The following PTPRD variants were observed in gnomAD, a reference collection of about 807,000 sequenced individuals.
The protein encoded by PTPRD is protein tyrosine phosphatase receptor type D.
A neutral mutation model predicts 214.5 loss-of-function variants in PTPRD; 34 were observed. That is an observed-to-expected ratio of 0.16 (90% CI 0.12 to 0.21). The LOEUF is 0.21. PTPRD is among the 10% of genes least tolerant of loss of function. The pLI is 1.00. For missense variants in PTPRD, 2,545 were observed against 2,398.7 expected, an observed-to-expected ratio of 1.06 and a Z score of -1.27; for synonymous variants, 1,128 against 845.7, an observed-to-expected ratio of 1.33 and a Z score of -5.79.
intron 4 of PTPRD, among the ~76,000 whole-genome samples, chr9:10,012,200 A>T (rs1588879401): frequency 6.6e-6 from 1 of 151,982 alleles, no homozygotes; most frequent in South Asian, 2.1e-4. Flanking sequence ...GAATTGTAAA[A>T]AAGTACCTCA....
intron 4 of PTPRD, among the ~76,000 whole-genome samples, chr9:9,943,601 G>T (rs532778327): frequency 6.6e-6 from 1 of 151,920 alleles, no homozygotes; most frequent in Non-Finnish European, 1.5e-5. Flanking sequence ...GAAGATATTA[G>T]AAGCTGTGGG....
At chr9:10,121,251 T>G (rs1008142771) in intron 3 of PTPRD, among the ~76,000 whole-genome samples, 57 of 152,178 alleles carry the variant, frequency 3.7e-4, no homozygotes, top group Non-Finnish European at 1.0e-4. Context: ...TCTTTAGCCA[T>G]GTAATTGGAG....
intron 3 of PTPRD, among the ~76,000 whole-genome samples, chr9:10,096,645 T>G (rs1195800538): frequency 6.6e-6 from 1 of 152,086 alleles, no homozygotes; most frequent in Admixed American, 6.6e-5. Context: ...ATTAGCCCTT[T>G]GTCAGATGAG....
chr9:9,380,322 T>A (rs190245102), intron 9 of PTPRD, among the ~76,000 whole-genome samples: 94 of 152,208 alleles, frequency 6.2e-4, no homozygotes, highest in Admixed American at 2.3e-3. Context: ...ATTTCTTCTT[T>A]GACCTGTGTG....
chr9:9,446,268 C>A (rs2090361852), intron 8 of PTPRD, among the ~76,000 whole-genome samples: 1 of 152,156 alleles, frequency 6.6e-6, no homozygotes, highest in Non-Finnish European at 1.5e-5. Context: ...AGAACTTATA[C>A]ATCTGTCCTC....
rs754025351 is a variant in PTPRD at position 8,526,810 on chromosome 9, G to C, written c.551-166C>G. On this transcript the variant is annotated intron_variant, in intron 16 of 45. Coordinates refer to ENST00000381196, the MANE Select transcript of PTPRD (RefSeq NM_002839.4). ...TGGTAAAACAGGAATATATTAGATA[G>C]TATTATTAGATCATAAAAAACAAGT... Among the ~76,000 whole-genome samples, 3 of 152,172 alleles carry C rather than the reference G, an allele frequency of 2.0e-5. No individual in the cohort carries two copies. The South Asian group carries it at 6.2e-4, about 32-fold the overall frequency.
intron 5 of PTPRD, among the ~76,000 whole-genome samples, chr9:9,799,886 C>T (rs759896545): frequency 2.6e-5 from 4 of 151,868 alleles, no homozygotes; most frequent in Non-Finnish European, 2.9e-5. Flanking sequence ...TGATTAATCA[C>T]GAAGACAAAA....
intron 8 of PTPRD, among the ~76,000 whole-genome samples, chr9:9,555,153 A>G (rs2081216292): frequency 6.6e-6 from 1 of 152,066 alleles, no homozygotes; most frequent in South Asian, 2.1e-4. Context: ...TACTGCCAAC[A>G]TGTATGTATT....
intron 8 of PTPRD, among the ~76,000 whole-genome samples, chr9:9,457,718 C>T (rs2093206707): frequency 6.6e-6 from 1 of 151,846 alleles, no homozygotes. Context: ...AGGTTTTTTC[C>T]ATACATTCAG....
chr9:9,588,477 C>T (rs190087950), intron 7 of PTPRD, among the ~76,000 whole-genome samples: 3 of 151,964 alleles, frequency 2.0e-5, no homozygotes, highest in Admixed American at 6.6e-5. Context: ...ACTTCATGTG[C>T]CAATCCAAAT....
At chr9:10,015,996 C>G (rs769524856) in intron 4 of PTPRD, among the ~76,000 whole-genome samples, 1 of 152,086 alleles carries the variant, frequency 6.6e-6, no homozygotes, top group Non-Finnish European at 1.5e-5. Flanking sequence ...ATACTTGAAT[C>G]GACTTCTCCT....
rs371153851 is a variant in PTPRD at position 8,843,067 on chromosome 9, T to C, written c.-103-109121A>G. 9.9e-5 allele frequency among the ~76,000 whole-genome samples: 15 copies of C among 152,132 alleles called. No individual in the cohort carries two copies. In the East Asian group the frequency reaches 1.9e-3, roughly 20 times the overall value. On this transcript the variant is annotated intron_variant, in intron 11 of 45. Coordinates refer to ENST00000381196, the MANE Select transcript of PTPRD (RefSeq NM_002839.4). ...CCTACTGAGCCCCCTCTTCCAACTA[T>C]ATTGCCACTCCTTAATTCCTCCCAT... is the stretch of plus-strand genomic sequence containing the variant.
At chr9:10,182,276 A>AG (rs932791266) in intron 3 of PTPRD, among the ~76,000 whole-genome samples, 4 of 150,290 alleles carry the variant, frequency 2.7e-5, no homozygotes, top group African/African-American at 9.8e-5. Context: ...AAAAAAAAAA[A>AG]AAAGAAAAGA....
chr9:8,882,887 A>AAAAAAAAAAAAAAAG (rs1399795579), intron 11 of PTPRD, among the ~76,000 whole-genome samples: 2 of 151,528 alleles, frequency 1.3e-5, no homozygotes, highest in Non-Finnish European at 2.9e-5. Context: ...TCTGTCTCAA[A>AAAAAAAAAAAAAAAG]AAAAAAAAAG....
rs552400434 is a variant in PTPRD at position 9,115,159 on chromosome 9, C to T, written c.-143+68145G>A. Among the ~76,000 whole-genome samples, 24 of 152,158 alleles carry T rather than the reference C, an allele frequency of 1.6e-4. No homozygotes were observed. The South Asian group carries it at 3.7e-3, about 24-fold the overall frequency. ...GGTATTTCTGGTGGTTATTCTATTT[C>T]GCAGATTCTCTGAAGGGAAGAGGTT... On this transcript the variant is annotated intron_variant, in intron 10 of 45. Coordinates refer to ENST00000381196, the MANE Select transcript of PTPRD (RefSeq NM_002839.4).
At chr9:10,178,504 A>C (rs962783099) in intron 3 of PTPRD, among the ~76,000 whole-genome samples, 1 of 152,044 alleles carries the variant, frequency 6.6e-6, no homozygotes, top group Admixed American at 6.6e-5. Context: ...AGGTGATAAA[A>C]GAGAAAACTG....
At chr9:9,709,228 T>C (rs905087357) in intron 7 of PTPRD, among the ~76,000 whole-genome samples, 1 of 152,034 alleles carries the variant, frequency 6.6e-6, no homozygotes, top group African/African-American at 2.4e-5. Flanking sequence ...TACCCCTATA[T>C]TTTTATTTCT....
intron 33 of PTPRD, among the ~76,000 whole-genome samples, chr9:8,452,345 C>T (rs1017674062): frequency 4.6e-5 from 7 of 152,120 alleles, no homozygotes; most frequent in Non-Finnish European, 7.4e-5. Context: ...TGTTTTCTAA[C>T]ACAGAAACCA....
chr9:10,604,804 T>C (rs1455153659), intron 2 of PTPRD, among the ~76,000 whole-genome samples: 1 of 151,894 alleles, frequency 6.6e-6, no homozygotes, highest in East Asian at 1.9e-4. Context: ...TATAATAAAA[T>C]AGGAAATTAC....
Sources: allele counts gnomAD v4.1 joint callset (sites outside exome capture counted in the v4.1 genomes callset), GRCh38; gene constraint gnomAD v4.1.1; transcripts MANE v1.5; gene names NCBI Gene and HGNC (gene_info 2026-07-23, HGNC 2026-07-21).